The following PRKCA variants were observed in gnomAD, a reference collection of about 807,000 sequenced individuals.
PRKCA encodes the protein protein kinase C alpha type.
PRKCA carries 27 observed loss-of-function variants against 87.0 expected under a neutral mutation model. That is an observed-to-expected ratio of 0.31 (90% CI 0.23 to 0.43). The LOEUF (loss-of-function observed/expected upper bound fraction) is 0.43, where lower values mean the gene tolerates loss of function less well. Ranked by LOEUF, PRKCA falls within the 20% of genes least tolerant of loss-of-function variation. The probability of loss-of-function intolerance (pLI) is 1.00; values close to 1 mark genes in which losing one functional copy is unlikely to be tolerated. For synonymous variants in PRKCA, 329 were observed against 311.1 expected (o/e 1.06, Z -0.61); for missense variants, 518 against 852.3 (o/e 0.61, Z 4.88).
intron 3 of PRKCA, among the ~76,000 whole-genome samples, chr17:66,636,825 G>T (rs967154906): frequency 6.6e-6 from 1 of 152,066 alleles, no homozygotes; most frequent in African/African-American, 2.4e-5. Flanking sequence ...AGCTTGTGCC[G>T]GGACTGGGGT....
intron 3 of PRKCA, among the ~76,000 whole-genome samples, chr17:66,624,549 C>T (rs1432135688): frequency 2.6e-5 from 4 of 152,062 alleles, no homozygotes; most frequent in African/African-American, 9.7e-5. Context: ...ACTTGTAATC[C>T]CAGCACTTTG....
intron 3 of PRKCA, among the ~76,000 whole-genome samples, chr17:66,605,394 T>G (rs1162503313): frequency 1.3e-5 from 2 of 152,138 alleles, no homozygotes; most frequent in Non-Finnish European, 2.9e-5. Flanking sequence ...AAGAGTTAAT[T>G]ATCAAAATCA....
intron 3 of PRKCA, among the ~76,000 whole-genome samples, chr17:66,576,785 TAG>T (rs925090882): frequency 6.6e-6 from 1 of 152,160 alleles, no homozygotes; most frequent in Admixed American, 6.5e-5. Flanking sequence ...TCTTTTCACT[TAG>T]AGAGGGCTTA....
intron 3 of PRKCA, among the ~76,000 whole-genome samples, chr17:66,631,461 G>A (rs1971008069): frequency 6.6e-6 from 1 of 152,102 alleles, no homozygotes. Context: ...AGGCTGAAGT[G>A]CAGTGGCTAT....
chr17:66,402,006 C>T (rs764878594), intron 2 of PRKCA, among the ~76,000 whole-genome samples: 1 of 152,116 alleles, frequency 6.6e-6, no homozygotes, highest in African/African-American at 2.4e-5. Context: ...GAAAGCAGAT[C>T]CATCCCCTAT....
intron 2 of PRKCA, among the ~76,000 whole-genome samples, chr17:66,433,270 C>T (rs1372236387): frequency 6.6e-6 from 1 of 152,102 alleles, no homozygotes; most frequent in East Asian, 1.9e-4. Flanking sequence ...CCCTGCAGCC[C>T]CGGCCCCAGC....
intron 3 of PRKCA, among the ~76,000 whole-genome samples, chr17:66,569,304 C>T (rs1432448610): frequency 6.6e-6 from 1 of 152,156 alleles, no homozygotes; most frequent in East Asian, 1.9e-4. Flanking sequence ...TGCGGTGGCT[C>T]ACACCTGTAA....
At chr17:66,377,677 TTA>T (rs1173333953) in intron 2 of PRKCA, among the ~76,000 whole-genome samples, 5 of 143,868 alleles carry the variant, frequency 3.5e-5, no homozygotes, top group East Asian at 3.9e-4. Flanking sequence ...AAAATGTCTA[TTA>T]TATATATATA....
intron 3 of PRKCA, among the ~76,000 whole-genome samples, chr17:66,519,390 A>G (rs1967080656): frequency 6.6e-6 from 1 of 152,184 alleles, no homozygotes; most frequent in South Asian, 2.1e-4. Context: ...GTCCAGTCAG[A>G]TATTCATGCA....
chr17:66,335,672 T>C (rs954094831), intron 2 of PRKCA, among the ~76,000 whole-genome samples: 1 of 152,206 alleles, frequency 6.6e-6, no homozygotes, highest in African/African-American at 2.4e-5. Context: ...ATTGCGATCA[T>C]TTCCCACATT....
At position 66,671,654 on chromosome 17, in the gene PRKCA, AG is replaced by A. The variant is rs149938946; in HGVS notation, c.530-15455del. On this transcript the variant is annotated intron_variant, in intron 5 of 16. Transcript: ENST00000413366. The stretch of plus-strand genomic sequence containing the variant: ...AAATGACCCATAAACACTGAGAAAA[AG>A]GATGGGCAGTGATTTATGAGATGAA... 1.2e-3 allele frequency among the ~76,000 whole-genome samples: 189 copies of A among 152,346 alleles called. 1 individual carries two copies. The highest frequency in any genetic ancestry group is 4.4e-3 in the African/African-American group (181 of 41,580).
intron 12 of PRKCA, 126 bp downstream of exon 12, chr17:66,741,847 G>T: frequency 1.1e-6 from 1 of 892,828 alleles, no homozygotes; most frequent in Non-Finnish European, 1.7e-6. Flanking sequence ...ACAGAGACCT[G>T]CTGGGACCCA....
chr17:66,785,029 A>G (rs552251096), intron 14 of PRKCA, among the ~76,000 whole-genome samples: 1 of 152,158 alleles, frequency 6.6e-6, no homozygotes, highest in African/African-American at 2.4e-5. Context: ...CCTTCCTTAC[A>G]CCAAGCACTT....
chr17:66,507,627 C>G (rs1917035757), intron 3 of PRKCA, among the ~76,000 whole-genome samples: 1 of 152,162 alleles, frequency 6.6e-6, no homozygotes, highest in South Asian at 2.1e-4. Flanking sequence ...GAGCTGGCAG[C>G]AGTTTGGAGA....
At chr17:66,741,365 C>T (rs1364202626) in intron 11 of PRKCA, among the ~76,000 whole-genome samples, 1 of 152,250 alleles carries the variant, frequency 6.6e-6, no homozygotes, top group Non-Finnish European at 1.5e-5. Context: ...CTGGTATCCA[C>T]TCTTTAAATG....
At chr17:66,392,171 A>G (rs1276124920) in intron 2 of PRKCA, among the ~76,000 whole-genome samples, 2 of 151,572 alleles carry the variant, frequency 1.3e-5, no homozygotes, top group African/African-American at 4.8e-5. Context: ...CGGAGCTTGC[A>G]GTGAGCCGAG....
At chr17:66,675,300 T>A (rs967119651) in intron 5 of PRKCA, among the ~76,000 whole-genome samples, 1 of 152,176 alleles carries the variant, frequency 6.6e-6, no homozygotes, top group African/African-American at 2.4e-5. Context: ...CCATGGAGGC[T>A]CTGCCCTCCT....
At chr17:66,770,537 C>T (rs1243556221) in intron 13 of PRKCA, among the ~76,000 whole-genome samples, 2 of 152,198 alleles carry the variant, frequency 1.3e-5, no homozygotes, top group African/African-American at 4.8e-5. Context: ...TAGCTGACTC[C>T]CAGATGTGTA....
At chr17:66,387,832 G>A (rs190414934) in intron 2 of PRKCA, among the ~76,000 whole-genome samples, 289 of 152,280 alleles carry the variant, frequency 1.9e-3, no homozygotes, top group African/African-American at 6.4e-3. Flanking sequence ...CATGGCGATT[G>A]GAGCCCTCCC....
Sources: gnomAD v4.1 joint callset for allele counts (sites outside exome capture counted in the v4.1 genomes callset) on GRCh38, gnomAD v4.1.1 for gene constraint, MANE v1.5 for transcripts, NCBI Gene and HGNC (gene_info 2026-07-23, HGNC 2026-07-21) for gene names.